The following GALNT13 variants were observed in gnomAD, a reference collection of about 807,000 sequenced individuals.
GALNT13 encodes the protein UDP-GalNAc:polypeptide N-acetylgalactosaminyltransferase 13.
GALNT13 carries 28 observed loss-of-function variants against 64.2 expected under a neutral mutation model. That is an observed-to-expected ratio of 0.44 (90% CI 0.32 to 0.60). The LOEUF (loss-of-function observed/expected upper bound fraction) is 0.60. Ranked by LOEUF, GALNT13 falls within the 20% of genes least tolerant of loss-of-function variation. GALNT13 has a pLI of 0.05. For synonymous variants in GALNT13, 214 were observed against 224.6 expected, an observed-to-expected ratio of 0.95 and a Z score of 0.42; for missense variants, 577 against 669.8, an observed-to-expected ratio of 0.86 and a Z score of 1.53.
the GALNT13 span, among the ~76,000 whole-genome samples, chr2:153,453,536 C>A: frequency 6.6e-6 from 1 of 152,146 alleles, no homozygotes; most frequent in Non-Finnish European, 1.5e-5. Flanking sequence ...CACTAATCTT[C>A]AGAGCAATGC....
chr2:154,370,005 T>G (rs1264416411), intron 9 of GALNT13, among the ~76,000 whole-genome samples: 1 of 152,156 alleles, frequency 6.6e-6, no homozygotes, highest in Admixed American at 6.6e-5. Context: ...CATAATCCAT[T>G]TTAGAAATGA....
At chr2:153,849,889 T>C in the GALNT13 span, among the ~76,000 whole-genome samples, 131,363 of 151,634 alleles carry the variant, frequency 0.87, 57,939 homozygotes, top group Non-Finnish European at 0.94. Flanking sequence ...AGGCCGGGCG[T>C]GGTGGCTCAT....
chr2:153,080,122 C>A, the GALNT13 span, among the ~76,000 whole-genome samples: 3 of 152,114 alleles, frequency 2.0e-5, no homozygotes, highest in African/African-American at 7.2e-5. Flanking sequence ...TGACTTCCCT[C>A]CACCCTTTTT....
At chr2:153,727,892 A>T in the GALNT13 span, among the ~76,000 whole-genome samples, 97 of 151,792 alleles carry the variant, frequency 6.4e-4, no homozygotes, top group African/African-American at 2.2e-3. Flanking sequence ...CTCTCCCTCC[A>T]CTTTCCCCTT....
At chr2:154,134,163 C>T (rs1339694599) in intron 3 of GALNT13, among the ~76,000 whole-genome samples, 2 of 152,084 alleles carry the variant, frequency 1.3e-5, no homozygotes, top group East Asian at 3.9e-4. Context: ...CCAAGAGGAA[C>T]AACAACTACA....
the GALNT13 span, among the ~76,000 whole-genome samples, chr2:153,235,183 G>T: frequency 6.6e-6 from 1 of 152,068 alleles, no homozygotes; most frequent in South Asian, 2.1e-4. Context: ...CCTATTCTGA[G>T]ACATAACAAT....
the GALNT13 span, among the ~76,000 whole-genome samples, chr2:153,760,795 T>C: frequency 1.3e-5 from 2 of 152,152 alleles, no homozygotes; most frequent in Non-Finnish European, 2.9e-5. Flanking sequence ...ATTTTCTGTC[T>C]GAATGATTTG....
chr2:154,396,103 C>T lies in GALNT13; in HGVS notation c.1269C>T (p.Ile423=). ...AAAACATCTATCCGGACTCCCAGAT[C>T]CCAAGACGTTATTACTCACTTGGTG... ...YLENIYPDSQ[I]PRRYYSLGEI... The change falls in exon 10 of 13, where the codon ATC becomes ATT. Residue 423 remains isoleucine (I), a synonymous_variant. Coordinates refer to ENST00000392825, the MANE Select transcript of GALNT13 (RefSeq NM_052917.4). The T allele has an allele frequency of 1.2e-6, 2 of 1,606,082 alleles. No homozygotes were observed. The highest frequency in any genetic ancestry group is 1.7e-6 in the Non-Finnish European group (2 of 1,176,098).
At chr2:153,744,551 C>G in the GALNT13 span, among the ~76,000 whole-genome samples, 1 of 152,016 alleles carries the variant, frequency 6.6e-6, no homozygotes, top group Admixed American at 6.6e-5. Context: ...AGAGTTGTAT[C>G]TTTTCTCAGC....
the GALNT13 span, among the ~76,000 whole-genome samples, chr2:153,782,643 G>A: frequency 6.6e-6 from 1 of 152,056 alleles, no homozygotes; most frequent in Non-Finnish European, 1.5e-5. Context: ...AGAAAATTTG[G>A]ACACAGACAA....
chr2:153,328,462 C>T, the GALNT13 span, among the ~76,000 whole-genome samples: 1 of 152,188 alleles, frequency 6.6e-6, no homozygotes, highest in African/African-American at 2.4e-5. Flanking sequence ...CTATAAGCCC[C>T]TGACTGGGGC....
intron 2 of GALNT13, among the ~76,000 whole-genome samples, chr2:153,911,058 T>C (rs534232192): frequency 1.8e-4 from 27 of 152,282 alleles, no homozygotes; most frequent in African/African-American, 6.5e-4. Flanking sequence ...GAAGTCGAAA[T>C]TTCCTTGAAG....
At chr2:153,250,504 C>T in the GALNT13 span, among the ~76,000 whole-genome samples, 8 of 152,102 alleles carry the variant, frequency 5.3e-5, no homozygotes, top group African/African-American at 1.9e-4. Flanking sequence ...CCAGAAATAC[C>T]ATTTGATCCA....
At chr2:153,115,161 C>G in the GALNT13 span, among the ~76,000 whole-genome samples, 1 of 152,024 alleles carries the variant, frequency 6.6e-6, no homozygotes, top group Non-Finnish European at 1.5e-5. Flanking sequence ...TTTTCAAACC[C>G]TATAAAAAGT....
intron 3 of GALNT13, among the ~76,000 whole-genome samples, chr2:154,098,186 G>T (rs1702169623): frequency 6.7e-6 from 1 of 149,358 alleles, no homozygotes; most frequent in Non-Finnish European, 1.5e-5. Context: ...GCACTGACCT[G>T]CCATTACCAT....
chr2:153,072,204 A>G, the GALNT13 span, among the ~76,000 whole-genome samples: 3 of 152,176 alleles, frequency 2.0e-5, no homozygotes, highest in African/African-American at 7.2e-5. Context: ...ATCACTGCTA[A>G]AGGCTGTTTA....
the GALNT13 span, among the ~76,000 whole-genome samples, chr2:153,590,812 G>A: frequency 6.6e-6 from 1 of 151,978 alleles, no homozygotes; most frequent in Non-Finnish European, 1.5e-5. Context: ...TAGAAGGATT[G>A]TGTCTCAAAG....
intron 3 of GALNT13, among the ~76,000 whole-genome samples, chr2:153,986,546 C>A (rs1368226647): frequency 6.6e-6 from 1 of 151,894 alleles, no homozygotes; most frequent in Admixed American, 6.6e-5. Flanking sequence ...ATGGACTTCA[C>A]AATTGTAAAG....
intron 1 of GALNT13, among the ~76,000 whole-genome samples, chr2:153,880,026 A>G (rs1009820803): frequency 1.3e-4 from 20 of 152,196 alleles, no homozygotes; most frequent in Non-Finnish European, 4.4e-5. Flanking sequence ...GTTTGTTTCA[A>G]TCCATAACAA....
Sources: gnomAD v4.1 joint callset for allele counts (sites outside exome capture counted in the v4.1 genomes callset) on GRCh38, gnomAD v4.1.1 for gene constraint, MANE v1.5 for transcripts, NCBI Gene and HGNC (gene_info 2026-07-23, HGNC 2026-07-21) for gene names.